Variants in IL1RAPL2 observed in about 807,000 individuals in gnomAD.
IL1RAPL2 encodes interleukin 1 receptor accessory protein like 2.
Under a neutral mutation model 44.1 loss-of-function variants are expected in IL1RAPL2, and 3 were observed. The observed-to-expected ratio is 0.07, with a 90% confidence interval of 0.03 to 0.18. The LOEUF is 0.18. IL1RAPL2 is among the 10% of genes least tolerant of loss of function. IL1RAPL2 has a pLI of 1.00. For synonymous variants in IL1RAPL2, 181 were observed against 178.8 expected, an observed-to-expected ratio of 1.01 and a Z score of -0.10; for missense variants, 391 against 496.4, an observed-to-expected ratio of 0.79 and a Z score of 2.02.
intron 2 of IL1RAPL2, among the ~76,000 whole-genome samples, chrX:105,029,550 T>C (rs1269952536): frequency 5.6e-5 from 6 of 107,727 alleles, no homozygotes; most frequent in Non-Finnish European, 9.6e-5. Flanking sequence ...TGGTTTCCAG[T>C]TTCATCCATG....
At chrX:104,758,544 C>T (rs1416164132) in intron 2 of IL1RAPL2, among the ~76,000 whole-genome samples, 1 of 110,522 alleles carries the variant, frequency 9.0e-6, no homozygotes, top group African/African-American at 3.3e-5. Context: ...GAGGACAAAC[C>T]GAGAATATTT....
At chrX:105,174,222 T>C (rs149934205) in intron 2 of IL1RAPL2, among the ~76,000 whole-genome samples, 1,346 of 111,390 alleles carry the variant, frequency 0.012, 25 homozygotes, top group African/African-American at 0.042. Context: ...CCCTCATTCA[T>C]CATCATCATT....
chrX:104,876,023 G>T (rs1257050448), intron 2 of IL1RAPL2, among the ~76,000 whole-genome samples: 2 of 110,829 alleles, frequency 1.8e-5, no homozygotes, highest in Non-Finnish European at 3.8e-5. Context: ...TGGTAACAGT[G>T]CAAGTTGGCT....
At chrX:105,060,830 A>G (rs73520260) in intron 2 of IL1RAPL2, among the ~76,000 whole-genome samples, 7,244 of 109,847 alleles carry the variant, frequency 0.066, 660 homozygotes, top group African/African-American at 0.23. Context: ...TTAATTTATT[A>G]GCATATAGTT....
intron 2 of IL1RAPL2, among the ~76,000 whole-genome samples, chrX:104,906,788 C>A (rs1423112290): frequency 2.7e-5 from 3 of 111,652 alleles, no homozygotes. Context: ...GTGTCTCTGC[C>A]TGGCTTTGGT....
intron 6 of IL1RAPL2, among the ~76,000 whole-genome samples, chrX:105,548,517 A>G (rs1005320413): frequency 8.9e-6 from 1 of 112,278 alleles, no homozygotes; most frequent in Non-Finnish European, 1.9e-5. Flanking sequence ...AGTGGAAGGC[A>G]TTATAAAATA....
intron 2 of IL1RAPL2, among the ~76,000 whole-genome samples, chrX:105,137,422 G>C (rs1333101463): frequency 9.0e-6 from 1 of 111,355 alleles, no homozygotes; most frequent in Non-Finnish European, 1.9e-5. Flanking sequence ...GACACACTGG[G>C]GGCTGGGAGG....
intron 6 of IL1RAPL2, among the ~76,000 whole-genome samples, chrX:105,665,231 G>A (rs746155427): frequency 1.8e-5 from 2 of 111,318 alleles, no homozygotes; most frequent in Non-Finnish European, 3.8e-5. Context: ...AATCAGTCAA[G>A]CCATCAAGCA....
intron 6 of IL1RAPL2, among the ~76,000 whole-genome samples, chrX:105,531,251 G>T (rs896935953): frequency 8.9e-6 from 1 of 111,809 alleles, no homozygotes; most frequent in African/African-American, 3.2e-5. Context: ...CATTTTAACT[G>T]GGGTCAGATG....
At chrX:105,721,299 C>T (rs1402763617) in intron 7 of IL1RAPL2, among the ~76,000 whole-genome samples, 1 of 110,068 alleles carries the variant, frequency 9.1e-6, no homozygotes, top group East Asian at 2.9e-4. Flanking sequence ...ACCTGTAATC[C>T]CAGCTACTCG....
chrX:105,258,565 G>C (rs1043375413), intron 4 of IL1RAPL2, among the ~76,000 whole-genome samples: 5 of 111,886 alleles, frequency 4.5e-5, no homozygotes, highest in African/African-American at 1.6e-4. Context: ...TTTCAGGGAT[G>C]CCAGTGATTC....
chrX:105,219,363 G>A (rs782280904), intron 3 of IL1RAPL2: 10 of 1,209,295 alleles, frequency 8.3e-6, no homozygotes, highest in Non-Finnish European at 1.1e-5. Context: ...TGGTTCCAGA[G>A]AAATAAGATG....
chrX:104,807,732 C>T (rs1440105707), intron 2 of IL1RAPL2, among the ~76,000 whole-genome samples: 6 of 110,780 alleles, frequency 5.4e-5, no homozygotes, highest in Admixed American at 9.6e-5. Flanking sequence ...ATATAGTATC[C>T]GTTTTCCCTC....
At position 104,835,879 on chromosome X, in the gene IL1RAPL2, C is replaced by T. The variant is rs375122210; in HGVS notation, c.82+176884C>T. On this transcript the variant is annotated intron_variant, in intron 2 of 10. Transcript: ENST00000372582. ...TTTGATCTCGTCTTCTACAGCCAGA[C>T]ATAACATTGTAGTTGCAGTCATGCT... Among the ~76,000 whole-genome samples the T allele has an allele frequency of 2.7e-5, 3 of 111,778 alleles. No individual in the cohort carries two copies. In the East Asian group the frequency reaches 8.5e-4, roughly 32 times the overall value.
intron 4 of IL1RAPL2, among the ~76,000 whole-genome samples, chrX:105,247,490 G>C (rs1239823133): frequency 9.1e-6 from 1 of 110,343 alleles, no homozygotes; most frequent in Non-Finnish European, 1.9e-5. Flanking sequence ...GCCCAAAGAG[G>C]TTAAGTGACT....
At chrX:105,648,756 T>G (rs2037623846) in intron 6 of IL1RAPL2, among the ~76,000 whole-genome samples, 1 of 112,145 alleles carries the variant, frequency 8.9e-6, no homozygotes, top group African/African-American at 3.2e-5. Context: ...GATTCTTCCT[T>G]TGGCAAAAGG....
intron 2 of IL1RAPL2, among the ~76,000 whole-genome samples, chrX:104,776,911 TTTTCTG>T (rs1275797151): frequency 9.0e-6 from 1 of 111,712 alleles, no homozygotes; most frequent in African/African-American, 3.3e-5. Flanking sequence ...CTAACGCTCT[TTTTCTG>T]TTCCAGGATT....
intron 6 of IL1RAPL2, among the ~76,000 whole-genome samples, chrX:105,705,523 G>C (rs1478609330): frequency 3.6e-5 from 4 of 110,903 alleles, no homozygotes; most frequent in African/African-American, 6.6e-5. Flanking sequence ...CAAGTAGAGA[G>C]ATGGGTGTAA....
intron 3 of IL1RAPL2, chrX:105,220,342 G>A (rs782704665): frequency 8.3e-7 from 1 of 1,206,196 alleles, no homozygotes; most frequent in Admixed American, 2.2e-5. Flanking sequence ...GTTGATGAAG[G>A]CCACCACGTT....
Sources: gnomAD v4.1 joint callset for allele counts (sites outside exome capture counted in the v4.1 genomes callset) on GRCh38, gnomAD v4.1.1 for gene constraint, MANE v1.5 for transcripts, NCBI Gene and HGNC (gene_info 2026-07-23, HGNC 2026-07-21) for gene names.